DRC11: variants seen among roughly 807,000 people sequenced by gnomAD.
The protein encoded by DRC11 is dynein regulatory complex subunit 11.
chr2:236,416,768 T>A, the DRC11 span, among the ~76,000 whole-genome samples: 9,825 of 91,824 alleles, frequency 0.11, 684 homozygotes, highest in Non-Finnish European at 0.13. Flanking sequence ...TATATATATA[T>A]AAATAATTTT....
At chr2:236,374,178 G>A in the DRC11 span, among the ~76,000 whole-genome samples, 3 of 152,138 alleles carry the variant, frequency 2.0e-5, no homozygotes, top group Non-Finnish European at 4.4e-5. Flanking sequence ...GCTCAATGGG[G>A]AAAATTTGTC....
chr2:236,407,235 T>C, the DRC11 span, among the ~76,000 whole-genome samples: 1 of 152,248 alleles, frequency 6.6e-6, no homozygotes. Context: ...TACAGCTGTG[T>C]CCTAAATACA....
chr2:236,451,178 T>C, the DRC11 span, among the ~76,000 whole-genome samples: 2 of 152,168 alleles, frequency 1.3e-5, no homozygotes, highest in East Asian at 3.8e-4. Flanking sequence ...TTTTATTTCC[T>C]TTTCATGTCA....
At chr2:236,501,098 G>A in the DRC11 span, among the ~76,000 whole-genome samples, 3 of 152,206 alleles carry the variant, frequency 2.0e-5, no homozygotes, top group Non-Finnish European at 4.4e-5. Flanking sequence ...GCCTCGGGGA[G>A]CTTTTACTCA....
At chr2:236,378,983 T>C in the DRC11 span, among the ~76,000 whole-genome samples, 1 of 152,138 alleles carries the variant, frequency 6.6e-6, no homozygotes, top group Non-Finnish European at 1.5e-5. Flanking sequence ...GTGACAGCCA[T>C]TTCTCTAGAG....
At chr2:236,486,071 C>T in the DRC11 span, among the ~76,000 whole-genome samples, 1 of 152,200 alleles carries the variant, frequency 6.6e-6, no homozygotes, top group East Asian at 1.9e-4. The surrounding 1 kb of genome is among the most constrained non-coding windows in gnomAD (Gnocchi z 5.7). Context: ...TGAGCAGCCC[C>T]CCTCTCCCTG....
the DRC11 span, among the ~76,000 whole-genome samples, chr2:236,364,505 GC>G: frequency 1.3e-5 from 2 of 152,246 alleles, no homozygotes; most frequent in South Asian, 4.2e-4. Context: ...TCTTTCTCCT[GC>G]CCTGGTTTCT....
At chr2:236,489,558 T>G in the DRC11 span, among the ~76,000 whole-genome samples, 1 of 152,220 alleles carries the variant, frequency 6.6e-6, no homozygotes, top group Admixed American at 6.5e-5. Flanking sequence ...GAACAGGGGC[T>G]CATGTGGCCT....
At chr2:236,323,894 T>C in the DRC11 span, among the ~76,000 whole-genome samples, 3 of 152,236 alleles carry the variant, frequency 2.0e-5, no homozygotes, top group Admixed American at 2.0e-4. This position sits in a 1 kb window ranked among gnomAD's most constrained non-coding sequence, Gnocchi z 6.4. Flanking sequence ...CTTTTTCTTA[T>C]GTACCCTGTG....
At chr2:236,401,571 G>T in the DRC11 span, among the ~76,000 whole-genome samples, 2 of 152,218 alleles carry the variant, frequency 1.3e-5, no homozygotes, top group Non-Finnish European at 2.9e-5. This position sits in a 1 kb window ranked among gnomAD's most constrained non-coding sequence, Gnocchi z 4.6. Flanking sequence ...TCCATACAAT[G>T]AAATGTTGAA....
the DRC11 span, among the ~76,000 whole-genome samples, chr2:236,329,868 G>T: frequency 6.6e-6 from 1 of 152,158 alleles, no homozygotes; most frequent in African/African-American, 2.4e-5. Flanking sequence ...TTCTCATCCC[G>T]GGTCATAAAA....
the DRC11 span, chr2:236,331,292 T>C: frequency 3.5e-6 from 4 of 1,151,382 alleles, no homozygotes; most frequent in South Asian, 1.2e-5. This position sits in a 1 kb window ranked among gnomAD's most constrained non-coding sequence, Gnocchi z 4.8. Flanking sequence ...CCCACGGAAC[T>C]GCAGAGGGAG....
At chr2:236,422,095 A>G in the DRC11 span, among the ~76,000 whole-genome samples, 1 of 152,210 alleles carries the variant, frequency 6.6e-6, no homozygotes, top group African/African-American at 2.4e-5. Context: ...CCCACAGCCA[A>G]TATCATACTG....
chr2:236,356,198 C>T, the DRC11 span, among the ~76,000 whole-genome samples: 23 of 152,306 alleles, frequency 1.5e-4, no homozygotes, highest in Non-Finnish European at 3.1e-4. Context: ...AGAGGGCCCT[C>T]GACCCAGATC....
At chr2:236,463,181 T>C in the DRC11 span, among the ~76,000 whole-genome samples, 35 of 152,302 alleles carry the variant, frequency 2.3e-4, no homozygotes, top group African/African-American at 8.2e-4. This position sits in a 1 kb window ranked among gnomAD's most constrained non-coding sequence, Gnocchi z 5.0. Context: ...CTGAGTGATA[T>C]ATAATAAACT....
At chr2:236,325,041 C>T in the DRC11 span, among the ~76,000 whole-genome samples, 1 of 152,162 alleles carries the variant, frequency 6.6e-6, no homozygotes, top group African/African-American at 2.4e-5. This position sits in a 1 kb window ranked among gnomAD's most constrained non-coding sequence, Gnocchi z 4.4. Flanking sequence ...TCAGGCTAAA[C>T]CTAACCAGCC....
the DRC11 span, among the ~76,000 whole-genome samples, chr2:236,375,895 C>T: frequency 6.6e-6 from 1 of 152,204 alleles, no homozygotes; most frequent in Non-Finnish European, 1.5e-5. This position sits in a 1 kb window ranked among gnomAD's most constrained non-coding sequence, Gnocchi z 4.2. Flanking sequence ...ACAGCAATAA[C>T]TGATGCAGAT....
the DRC11 span, among the ~76,000 whole-genome samples, chr2:236,384,987 T>A: frequency 6.6e-6 from 1 of 152,138 alleles, no homozygotes; most frequent in Non-Finnish European, 1.5e-5. Flanking sequence ...TTGGCGTTAT[T>A]TCTGAGGGCT....
chr2:236,480,057 A>G, the DRC11 span, among the ~76,000 whole-genome samples: 1 of 150,562 alleles, frequency 6.6e-6, no homozygotes, highest in Non-Finnish European at 1.5e-5. Flanking sequence ...AACTTAATAA[A>G]TATGTTTTTC....
Sources: allele counts gnomAD v4.1 joint callset (sites outside exome capture counted in the v4.1 genomes callset), GRCh38; gene constraint gnomAD v4.1.1; non-coding constraint Gnocchi (gnomAD v3.1); transcripts MANE v1.5; gene names NCBI Gene and HGNC (gene_info 2026-07-23, HGNC 2026-07-21).